SAXO1: variants seen among roughly 807,000 people sequenced by gnomAD.
SAXO1 encodes the protein 4930500O09Rik.
Under a neutral mutation model 17.5 loss-of-function variants are expected in SAXO1, and 21 were observed. The observed-to-expected ratio is 1.20, with a 90% CI of 0.85 to 1.72. The LOEUF is 1.72. SAXO1 is among the 40% of genes most tolerant of loss of function. SAXO1 has a pLI of 0.00. For missense variants in SAXO1, 843 were observed against 596.0 expected, an observed-to-expected ratio of 1.41 and a Z score of -4.32; for synonymous variants, 274 against 216.5, an observed-to-expected ratio of 1.27 and a Z score of -2.33.
At chr9:18,951,912 A>G (rs142848411) in intron 1 of SAXO1, among the ~76,000 whole-genome samples, 99 of 152,330 alleles carry the variant, frequency 6.5e-4, no homozygotes, top group African/African-American at 2.3e-3. Context: ...CATTCGGTAA[A>G]TATTTATTGA....
intron 1 of SAXO1, among the ~76,000 whole-genome samples, chr9:19,026,569 C>T (rs1325642121): frequency 6.6e-6 from 1 of 152,136 alleles, no homozygotes; most frequent in African/African-American, 2.4e-5. Flanking sequence ...AAGAACAGCT[C>T]AATAGACTGA....
chr9:18,990,168 CTTT>C (rs11344361), intron 1 of SAXO1, among the ~76,000 whole-genome samples: 1 of 148,380 alleles, frequency 6.7e-6, no homozygotes, highest in Admixed American at 6.7e-5. Flanking sequence ...GAGTCATGGA[CTTT>C]TTTTTTTTTT....
At chr9:19,017,484 T>C (rs914864324) in intron 1 of SAXO1, among the ~76,000 whole-genome samples, 1 of 152,220 alleles carries the variant, frequency 6.6e-6, no homozygotes, top group Admixed American at 6.5e-5. Flanking sequence ...CCAGTGACAG[T>C]TGTTGCAGCT....
intron 1 of SAXO1, among the ~76,000 whole-genome samples, chr9:18,987,174 G>T (rs1052444127): frequency 2.0e-5 from 3 of 152,214 alleles, no homozygotes; most frequent in Admixed American, 2.0e-4. Flanking sequence ...ACTGGAGACA[G>T]TGTCATGATT....
At chr9:18,935,150 A>G (rs1831230824) in intron 3 of SAXO1, among the ~76,000 whole-genome samples, 1 of 152,066 alleles carries the variant, frequency 6.6e-6, no homozygotes, top group Non-Finnish European at 1.5e-5. Context: ...TCCTGACCCC[A>G]TGATCTGCGC....
chr9:18,982,362 C>T (rs1035653847), intron 1 of SAXO1, among the ~76,000 whole-genome samples: 13 of 152,158 alleles, frequency 8.5e-5, no homozygotes, highest in Non-Finnish European at 1.5e-4. Context: ...AAATTCCCTC[C>T]CCAGGGAAGG....
At chr9:18,984,755 G>T (rs896882059) in intron 1 of SAXO1, among the ~76,000 whole-genome samples, 3 of 152,130 alleles carry the variant, frequency 2.0e-5, no homozygotes, top group African/African-American at 7.2e-5. Context: ...CAGCAATAAG[G>T]CTATTTGCTT....
intron 2 of SAXO1, among the ~76,000 whole-genome samples, chr9:18,943,929 G>A (rs1419291357): frequency 1.3e-5 from 2 of 152,218 alleles, no homozygotes; most frequent in African/African-American, 4.8e-5. Flanking sequence ...AAGAGGACCA[G>A]CTTCCTCTCA....
At chr9:18,939,862 A>G (rs893414100) in intron 3 of SAXO1, among the ~76,000 whole-genome samples, 1 of 152,254 alleles carries the variant, frequency 6.6e-6, no homozygotes, top group African/African-American at 2.4e-5. Flanking sequence ...GAGGAGTTTT[A>G]TACAAAGGAG....
At chr9:18,974,770 T>C (rs1278995802) in intron 1 of SAXO1, among the ~76,000 whole-genome samples, 4 of 152,074 alleles carry the variant, frequency 2.6e-5, no homozygotes, top group Non-Finnish European at 5.9e-5. Context: ...ATAATAAATG[T>C]AGAGGAAATG....
chr9:19,031,494 T>C (rs1014678155), intron 1 of SAXO1, among the ~76,000 whole-genome samples: 4 of 152,184 alleles, frequency 2.6e-5, no homozygotes, highest in African/African-American at 7.2e-5. Context: ...CCCTGAGGCA[T>C]AGGTTGCAGT....
At chr9:18,952,381 C>A (rs1157418973) in intron 1 of SAXO1, among the ~76,000 whole-genome samples, 3 of 152,152 alleles carry the variant, frequency 2.0e-5, no homozygotes, top group East Asian at 3.8e-4. Flanking sequence ...ACCAAGAATT[C>A]CTCACTGCTC....
At chr9:19,001,693 C>T (rs945653631) in intron 1 of SAXO1, among the ~76,000 whole-genome samples, 8 of 150,342 alleles carry the variant, frequency 5.3e-5, no homozygotes, top group Non-Finnish European at 1.0e-4. Context: ...TTCTTTGAAA[C>T]CAATGAGAAC....
chr9:19,031,546 G>A (rs980125884), intron 1 of SAXO1, among the ~76,000 whole-genome samples: 2 of 152,214 alleles, frequency 1.3e-5, no homozygotes, highest in African/African-American at 2.4e-5. Context: ...GCGCAACAGA[G>A]CAAGACACTG....
intron 3 of SAXO1, among the ~76,000 whole-genome samples, chr9:18,937,962 A>G (rs763717419): frequency 6.6e-6 from 1 of 152,246 alleles, no homozygotes; most frequent in South Asian, 2.1e-4. Context: ...GGTTAATCTA[A>G]CTATAAGTGT....
chr9:18,962,842 C>G (rs1832543943), intron 1 of SAXO1, among the ~76,000 whole-genome samples: 1 of 152,208 alleles, frequency 6.6e-6, no homozygotes, highest in South Asian at 2.1e-4. Context: ...GTCGCCATTG[C>G]TTTTGGTGTT....
chr9:19,003,943 C>T (rs1834387303), intron 1 of SAXO1, among the ~76,000 whole-genome samples: 1 of 152,014 alleles, frequency 6.6e-6, no homozygotes, highest in African/African-American at 2.4e-5. Flanking sequence ...AAACTACCAT[C>T]ACAGTTGGCA....
intron 1 of SAXO1, among the ~76,000 whole-genome samples, chr9:19,045,310 C>G (rs7034299): frequency 0.4 from 45,942 of 116,220 alleles, 9,316 homozygotes; most frequent in African/African-American, 0.6. Context: ...GAGCGAGACT[C>G]CGTCTCAAAA....
intron 1 of SAXO1, among the ~76,000 whole-genome samples, chr9:18,996,627 G>C (rs1834012835): frequency 6.6e-6 from 1 of 151,966 alleles, no homozygotes; most frequent in Non-Finnish European, 1.5e-5. Context: ...AAAAGCATTT[G>C]GTAAAATTCA....
Sources: gnomAD v4.1 joint callset for allele counts (sites outside exome capture counted in the v4.1 genomes callset) on GRCh38, gnomAD v4.1.1 for gene constraint, MANE v1.5 for transcripts, NCBI Gene and HGNC (gene_info 2026-07-23, HGNC 2026-07-21) for gene names.